The following FAM186B variants were observed in gnomAD, a reference collection of about 807,000 sequenced individuals.
FAM186B encodes the protein protein FAM186B.
Under a neutral mutation model 83.4 loss-of-function variants are expected in FAM186B, and 68 were observed. That is an observed-to-expected ratio of 0.81 (90% CI 0.67 to 1.00). FAM186B has a LOEUF of 1.00. Among genes scored for constraint, FAM186B ranks in the 50% least tolerant of loss-of-function variants. FAM186B has a pLI of 0.00. For missense variants in FAM186B, 983 were observed against 1,099.2 expected (o/e 0.89, Z 1.49); for synonymous variants, 389 against 422.0 (o/e 0.92, Z 0.96).
upstream of FAM186B, among the ~76,000 whole-genome samples, chr12:49,606,359 G>GTCA (rs1940020594): frequency 6.6e-6 from 1 of 151,828 alleles, no homozygotes; most frequent in Admixed American, 6.6e-5. Context: ...GCCAGGCATG[G>GTCA]TGGCGCATGC....
chr12:49,600,696 TCCAA>T lies in FAM186B; in HGVS notation c.940_943del (p.Leu314SerfsTer4). The T allele has an allele frequency of 1.2e-6, 2 of 1,614,166 alleles. No homozygotes were observed. The highest frequency in any genetic ancestry group is 8.5e-7 in the Non-Finnish European group (1 of 1,180,020). ...ATTCTGAGCCTTCTTCAGCTGGAAC[TCCAA>T]GGCCTGCTTCATCAGGAGAAGGTCA... On this transcript the variant is annotated frameshift_variant, in exon 4 of 7. Transcript: ENST00000257894. LOFTEE classifies it high-confidence loss of function. The surrounding 1 kb of genome is among the most constrained non-coding windows in gnomAD (Gnocchi z 4.3).
In FAM186B at chr12:49,600,391, G is replaced by A. The variant is rs1410773260; in HGVS notation, c.1249C>T (p.Leu417Phe). The A allele has an allele frequency of 3.1e-6, 5 of 1,614,040 alleles. No individual in the cohort carries two copies. The highest frequency in any genetic ancestry group is 1.1e-5 in the South Asian group (1 of 91,076). ...SKDTESLEPV[L>F]LPLVDRRFPK... ...AACCTGCGATCTACTAAGGGTAAAA[G>A]CACAGGCTCAAGGCTCTCAGTGTCC... Residue 417 changes from leucine (L) to phenylalanine (F), a missense_variant, in exon 4 of 7, where the codon CTT becomes TTT. Leu to Phe is a conservative substitution (Grantham distance 22, BLOSUM62 0). Coordinates refer to ENST00000257894, the MANE Select transcript of FAM186B (RefSeq NM_032130.3). The surrounding 1 kb of genome is among the most constrained non-coding windows in gnomAD (Gnocchi z 4.3).
In FAM186B at chr12:49,600,619, G is replaced by A; in HGVS notation, c.1021C>T (p.Pro341Ser). The change falls in exon 4 of 7, where the codon CCC (proline) becomes TCC (serine). Residue 341 changes from proline (P) to serine (S), a missense_variant. Physicochemically the swap from Pro to Ser is moderately conservative, Grantham distance 74. Transcript: ENST00000257894. The surrounding 1 kb of genome is among the most constrained non-coding windows in gnomAD (Gnocchi z 4.3). ...LAEVSVDSPG[P>S]SERETLPRKE... ...CTTGGGAGGGTCTCTCTCTCAGAGG[G>A]ACCTGGGGAGTCAACAGAAACCTCA... 1 of 1,613,240 alleles carries A rather than the reference G, an allele frequency of 6.2e-7. No individual in the cohort carries two copies. Among genetic ancestry groups the A allele is most frequent in the Non-Finnish European group, 8.5e-7 (1 of 1,179,532 alleles).
At chr12:49,583,194 CATA>C (rs1939372579), downstream of FAM186B, 1 of 395,748 alleles carries the variant, frequency 2.5e-6, no homozygotes. Flanking sequence ...CTTTATAAAA[CATA>C]ATATTGTCAG....
chr12:49,621,022 A>T, the FAM186B span, among the ~76,000 whole-genome samples: 2 of 152,224 alleles, frequency 1.3e-5, no homozygotes, highest in Non-Finnish European at 2.9e-5. Flanking sequence ...TATAAAAATA[A>T]GTGACCATGT....
chr12:49,622,323 A>C, the FAM186B span, among the ~76,000 whole-genome samples: 1 of 151,550 alleles, frequency 6.6e-6, no homozygotes, highest in Non-Finnish European at 1.5e-5. Context: ...CAGCGTGGGC[A>C]GTACAGGGAG....
intron 5 of FAM186B, chr12:49,595,324 A>G (rs950289391): frequency 1.1e-5 from 7 of 616,334 alleles, no homozygotes; most frequent in African/African-American, 3.7e-5. Flanking sequence ...ACCATATGAC[A>G]TAGTAGTTCT....
At chr12:49,598,055 G>T (rs2138279445) in intron 5 of FAM186B, among the ~76,000 whole-genome samples, 1 of 152,320 alleles carries the variant, frequency 6.6e-6, no homozygotes, top group Admixed American at 6.5e-5. Flanking sequence ...GCGAGACTCT[G>T]TCTCAAAGCA....
chr12:49,621,634 G>A, the FAM186B span, among the ~76,000 whole-genome samples: 1 of 152,166 alleles, frequency 6.6e-6, no homozygotes, highest in African/African-American at 2.4e-5. Context: ...GAAAATAAAT[G>A]ATTTTAAAAA....
the FAM186B span, among the ~76,000 whole-genome samples, chr12:49,616,098 C>T: frequency 2.0e-5 from 3 of 151,392 alleles, no homozygotes; most frequent in East Asian, 1.9e-4. Context: ...GGTGCAATCT[C>T]GGCTCACTGC....
At chr12:49,599,163 A>G (rs1312746250) in intron 4 of FAM186B, among the ~76,000 whole-genome samples, 4 of 152,144 alleles carry the variant, frequency 2.6e-5, no homozygotes, top group African/African-American at 4.8e-5. Flanking sequence ...AAGGAAAGAC[A>G]GGGGAGCACA....
At chr12:49,602,895 C>T (rs934721839) in intron 3 of FAM186B, among the ~76,000 whole-genome samples, 1 of 152,198 alleles carries the variant, frequency 6.6e-6, no homozygotes, top group Non-Finnish European at 1.5e-5. Context: ...TCTAGCCCTC[C>T]TGGCCTCCCA....
At chr12:49,618,021 T>C in the FAM186B span, among the ~76,000 whole-genome samples, 1 of 152,188 alleles carries the variant, frequency 6.6e-6, no homozygotes, top group Non-Finnish European at 1.5e-5. Flanking sequence ...AATGCTGACA[T>C]CAGAAGTTCC....
downstream of FAM186B, among the ~76,000 whole-genome samples, chr12:49,586,594 T>G (rs1939448030): frequency 6.6e-6 from 1 of 152,216 alleles, no homozygotes; most frequent in African/African-American, 2.4e-5. Context: ...ACCAAATCTC[T>G]GCCAGGCCAG....
chr12:49,619,477 G>C, the FAM186B span: 3 of 677,248 alleles, frequency 4.4e-6, no homozygotes, highest in Non-Finnish European at 8.2e-6. Context: ...ACAAACTGAA[G>C]AGCAGGGGAA....
intron 3 of FAM186B, 51 bp from the exon 4 acceptor site, chr12:49,601,185 A>G: frequency 6.6e-7 from 1 of 1,511,002 alleles, no homozygotes; most frequent in Non-Finnish European, 8.8e-7. Context: ...GGTCCCAAGG[A>G]TTGCATTGAT....
intron 4 of FAM186B, among the ~76,000 whole-genome samples, chr12:49,599,198 T>C (rs183157159): frequency 4.7e-4 from 72 of 151,950 alleles, no homozygotes; most frequent in African/African-American, 1.6e-3. Context: ...GACAGGGCCA[T>C]GGGAAGAGAG....
the FAM186B span, among the ~76,000 whole-genome samples, chr12:49,615,115 C>T: frequency 1.3e-5 from 2 of 151,460 alleles, no homozygotes; most frequent in African/African-American, 2.4e-5. Flanking sequence ...GGTGACAGAG[C>T]GAGACTCCGT....
chr12:49,597,260 C>T (rs998952368), intron 5 of FAM186B, among the ~76,000 whole-genome samples: 12 of 152,136 alleles, frequency 7.9e-5, no homozygotes, highest in African/African-American at 2.9e-4. Flanking sequence ...ACTGTATATA[C>T]AGTGGAATAT....
Sources: allele counts gnomAD v4.1 joint callset (sites outside exome capture counted in the v4.1 genomes callset), GRCh38; gene constraint gnomAD v4.1.1; non-coding constraint Gnocchi (gnomAD v3.1); transcripts MANE v1.5; gene names NCBI Gene and HGNC (gene_info 2026-07-23, HGNC 2026-07-21).